PGPEP1L: variants seen among roughly 807,000 people sequenced by gnomAD.
PGPEP1L encodes the protein pyroglutamyl-peptidase I like.
PGPEP1L carries 7 observed loss-of-function variants against 6.0 expected under a neutral mutation model. The ratio of observed to expected loss-of-function variants is 1.17; its 90% CI spans 0.66 to 2.19. The LOEUF (loss-of-function observed/expected upper bound fraction) is 2.19, where lower values mean the gene tolerates loss of function less well. Among genes scored for constraint, PGPEP1L ranks in the 30% most tolerant of loss-of-function variants. The pLI is 0.00. For missense variants in PGPEP1L, 209 were observed against 192.5 expected (o/e 1.09, Z -0.51); for synonymous variants, 103 against 83.9 (o/e 1.23, Z -1.24).
At chr15:98,977,785 A>G (rs181651882) in intron 2 of PGPEP1L, among the ~76,000 whole-genome samples, 1 of 152,322 alleles carries the variant, frequency 6.6e-6, no homozygotes, top group African/African-American at 2.4e-5. Flanking sequence ...TTGACTATTA[A>G]CTGTGAATTT....
chr15:98,972,202 A>G (rs976196296), intron 2 of PGPEP1L, among the ~76,000 whole-genome samples: 14 of 151,982 alleles, frequency 9.2e-5, no homozygotes, highest in South Asian at 2.1e-4. Context: ...AAAATACAAA[A>G]ATTAGCCAGA....
At chr15:98,997,738 C>G (rs568251847) in intron 2 of PGPEP1L, among the ~76,000 whole-genome samples, 3 of 152,256 alleles carry the variant, frequency 2.0e-5, no homozygotes, top group South Asian at 2.1e-4. Flanking sequence ...CTTTATTATT[C>G]CCTCATTTCA....
At chr15:98,969,177 C>T (rs2017451498) in intron 4 of PGPEP1L, among the ~76,000 whole-genome samples, 1 of 152,168 alleles carries the variant, frequency 6.6e-6, no homozygotes, top group Non-Finnish European at 1.5e-5. Context: ...TCTGCCTTCC[C>T]ATCTCTTCTC....
At chr15:98,996,573 CATGT>C (rs782160508) in intron 2 of PGPEP1L, among the ~76,000 whole-genome samples, 65 of 151,576 alleles carry the variant, frequency 4.3e-4, no homozygotes, top group African/African-American at 1.4e-3. Flanking sequence ...GGTGTGCATG[CATGT>C]ATTATGTGTG....
chr15:98,969,641 T>C lies in PGPEP1L; in HGVS notation c.-8A>G. 1 of 1,611,418 alleles carries C rather than the reference T, an allele frequency of 6.2e-7. No homozygotes were observed. Among genetic ancestry groups the C allele is most frequent in the Non-Finnish European group, 8.5e-7 (1 of 1,179,840 alleles). ...CTTGGCGGCGGTGTCCATGCCCACA[T>C]GCACGACGAGCTGTGTGAACGGGTA... On this transcript the variant is annotated 5_prime_UTR_variant, in exon 4 of 5. It removes an upstream start codon present in the reference 5' UTR. Transcript: ENST00000535714.
intron 2 of PGPEP1L, among the ~76,000 whole-genome samples, chr15:98,979,400 CAGG>C (rs1358437565): frequency 2.0e-5 from 3 of 151,598 alleles, no homozygotes; most frequent in Admixed American, 2.0e-4. Context: ...AGTACAAGAA[CAGG>C]AGGACATGCA....
intron 2 of PGPEP1L, among the ~76,000 whole-genome samples, 184 bp downstream of exon 2, chr15:99,005,245 C>A (rs118030361): frequency 6.6e-6 from 1 of 152,092 alleles, no homozygotes; most frequent in Non-Finnish European, 1.5e-5. Context: ...TGCCTGTGAT[C>A]CTGATTGTTT....
intron 2 of PGPEP1L, among the ~76,000 whole-genome samples, chr15:99,005,019 G>A (rs1179779016): frequency 4.6e-5 from 7 of 152,168 alleles, no homozygotes; most frequent in Non-Finnish European, 7.4e-5. Context: ...TGAGGGCCCT[G>A]TGGTTTCTGG....
intron 2 of PGPEP1L, among the ~76,000 whole-genome samples, chr15:98,995,377 AC>A (rs1309243153): frequency 2.0e-5 from 3 of 152,050 alleles, no homozygotes; most frequent in Admixed American, 6.6e-5. Flanking sequence ...GATATAATTC[AC>A]CTCCCATACA....
At chr15:98,998,586 A>C (rs1269806098) in intron 2 of PGPEP1L, among the ~76,000 whole-genome samples, 1 of 152,230 alleles carries the variant, frequency 6.6e-6, no homozygotes, top group African/African-American at 2.4e-5. Flanking sequence ...ATGGTGTTAG[A>C]ACAATTAGAC....
At position 98,979,633 on chromosome 15, in the gene PGPEP1L, CTTTTTTTTTTTT is replaced by C. The variant is rs568793204; in HGVS notation, c.-141-8487_-141-8476del. On this transcript the variant is annotated intron_variant, in intron 2 of 4. Transcript: ENST00000535714. The stretch of plus-strand genomic sequence containing the variant: ...AACCTGGATGGGATTGGAGACTATT[CTTTTTTTTTTTT>C]TTTTTTTTTTTTTTTTTTTTTTGGA... Among the ~76,000 whole-genome samples the C allele has an allele frequency of 2.2e-4, 10 of 46,502 alleles. No homozygotes were observed. In the East Asian group the frequency reaches 3.3e-3, roughly 15 times the overall value. The allele number at this position is 46,502 out of a possible 152,430, so 30.5% of individuals were successfully genotyped here.
intron 2 of PGPEP1L, among the ~76,000 whole-genome samples, chr15:98,978,916 G>A (rs1417852897): frequency 6.6e-6 from 1 of 151,690 alleles, no homozygotes; most frequent in Non-Finnish European, 1.5e-5. Context: ...TTTTAGTAGA[G>A]ATGGGGTTTT....
intron 2 of PGPEP1L, among the ~76,000 whole-genome samples, chr15:99,003,559 C>T (rs1305147885): frequency 3.3e-5 from 5 of 152,120 alleles, no homozygotes; most frequent in East Asian, 3.9e-4. Flanking sequence ...AGCAATTTGT[C>T]GGAGCCCTCG....
rs1420093255 is a variant in PGPEP1L at position 99,007,768 on chromosome 15, C to T, written c.-779G>A. 5.0e-4 allele frequency: 76 copies of T among 152,366 alleles called. 1 individual carries two copies. The highest frequency in any genetic ancestry group is 1.8e-3 in the African/African-American group (74 of 41,566). The allele number at this position is 152,366 out of a possible 1,614,324, so 9.4% of individuals were successfully genotyped here. On this transcript the variant is annotated 5_prime_UTR_variant, in exon 1 of 5. In the 5' UTR this introduces an upstream ATG that the reference lacks. Coordinates refer to ENST00000535714, the MANE Select transcript of PGPEP1L (RefSeq NM_001167902.2). ...GCAAAACAACAAAACTTCCACAGCA[C>T]AGAAGGCGACTCCAGCAAGTTGCTA...
chr15:98,997,616 CATTT>C (rs1266651524), intron 2 of PGPEP1L, among the ~76,000 whole-genome samples: 2 of 152,188 alleles, frequency 1.3e-5, no homozygotes, highest in African/African-American at 4.8e-5. Context: ...TGACAACAGA[CATTT>C]ATTAAGTGCT....
intron 2 of PGPEP1L, among the ~76,000 whole-genome samples, chr15:98,999,461 G>A (rs1555472748): frequency 6.6e-6 from 1 of 152,200 alleles, no homozygotes; most frequent in Non-Finnish European, 1.5e-5. Context: ...GGAGAAACTA[G>A]GTCACTCACA....
chr15:98,978,726 A>ATATATTTTT (rs1446348988), intron 2 of PGPEP1L, among the ~76,000 whole-genome samples: 2 of 85,230 alleles, frequency 2.3e-5, no homozygotes, highest in African/African-American at 1.0e-4. Context: ...ATATATATAT[A>ATATATTTTT]TTTTTTTTTT....
At chr15:98,984,306 G>C (rs185161956) in intron 2 of PGPEP1L, among the ~76,000 whole-genome samples, 76 of 152,224 alleles carry the variant, frequency 5.0e-4, no homozygotes, top group Admixed American at 1.7e-3. Context: ...CACCGTGCTC[G>C]GCCTGGAGTA....
chr15:99,001,738 GAC>G (rs1435504915), intron 2 of PGPEP1L, among the ~76,000 whole-genome samples: 6 of 152,170 alleles, frequency 3.9e-5, no homozygotes, highest in African/African-American at 7.2e-5. Flanking sequence ...TGCTTTTTGA[GAC>G]AGAGTCTCAC....
Sources: gnomAD v4.1 joint callset for allele counts (sites outside exome capture counted in the v4.1 genomes callset) on GRCh38, gnomAD v4.1.1 for gene constraint, MANE v1.5 for transcripts, NCBI Gene and HGNC (gene_info 2026-07-23, HGNC 2026-07-21) for gene names.